The following C1QTNF5 variants were observed in gnomAD, a reference collection of about 807,000 sequenced individuals.
C1QTNF5 encodes C1q and TNF related 5, also known as complement C1q tumor necrosis factor-related protein 5.
In C1QTNF5, 5 loss-of-function variants were observed where a neutral mutation model predicts 10.9. The observed-to-expected ratio is 0.46, with a 90% CI of 0.24 to 0.97. The LOEUF is 0.97. Ranked by LOEUF, C1QTNF5 falls within the 50% of genes least tolerant of loss-of-function variation. The probability of loss-of-function intolerance (pLI) is 0.19; values close to 1 mark genes in which losing one functional copy is unlikely to be tolerated. For synonymous variants in C1QTNF5, 161 were observed against 156.5 expected (o/e 1.03, Z -0.22); for missense variants, 281 against 339.4 (o/e 0.83, Z 1.35).
chr11:119,341,983 C>G (rs1407160789), upstream of C1QTNF5: 1 of 1,613,600 alleles, frequency 6.2e-7, no homozygotes, highest in Non-Finnish European at 8.5e-7. Context: ...CACAGGCCAG[C>G]TCTGCAGGGG....
chr11:119,339,940 C>T lies in C1QTNF5; in HGVS notation c.215-92G>A. ...TAAGGTCACCGTACCCCTCCCCGCC[C>T]CTGCCTGAGCTTCGGCCAGCGCCTC... On this transcript the variant is annotated intron_variant, in intron 2 of 2. Coordinates refer to ENST00000528368, the MANE Select transcript of C1QTNF5 (RefSeq NM_001278431.2). The surrounding 1 kb of genome is among the most constrained non-coding windows in gnomAD (Gnocchi z 5.4). The T allele has an allele frequency of 7.2e-7, 1 of 1,393,218 alleles. No homozygotes were observed. The highest frequency in any genetic ancestry group is 9.3e-7 in the Non-Finnish European group (1 of 1,072,918). 86.3% of individuals were successfully genotyped at this position (1,393,218 alleles called of 1,614,324 possible). A position where few individuals can be genotyped will look rare whatever the true frequency, so the allele number is the denominator to read the frequency against.
chr11:119,346,003 T>A, the C1QTNF5 span: 1 of 1,612,930 alleles, frequency 6.2e-7, no homozygotes, highest in East Asian at 2.2e-5. Flanking sequence ...CTCATGGAGT[T>A]TCATTCCAAA....
At chr11:119,343,795 G>T (rs761916323), upstream of C1QTNF5, 26 of 1,613,580 alleles carry the variant, frequency 1.6e-5, no homozygotes, top group Middle Eastern at 1.6e-4. Flanking sequence ...GTTATCCATG[G>T]CTCTTCCCTG....
chr11:119,345,215 G>A (rs1168950313), upstream of C1QTNF5, among the ~76,000 whole-genome samples: 2 of 152,234 alleles, frequency 1.3e-5, no homozygotes, highest in Non-Finnish European at 2.9e-5. Context: ...ATAGGCAGGA[G>A]ATCCATGTTA....
At chr11:119,342,712 C>G (rs1360212514), upstream of C1QTNF5, 1 of 1,613,442 alleles carries the variant, frequency 6.2e-7, no homozygotes, top group East Asian at 2.2e-5. Context: ...GGAGAGCTCA[C>G]TGGGCCCACA....
At chr11:119,343,556 G>A (rs1473228617), upstream of C1QTNF5, among the ~76,000 whole-genome samples, 1 of 152,148 alleles carries the variant, frequency 6.6e-6, no homozygotes, top group African/African-American at 2.4e-5. Flanking sequence ...GGGTTTGTAG[G>A]GGAGGTGGAA....
upstream of C1QTNF5, chr11:119,344,084 G>T (rs1303950866): frequency 1.5e-6 from 2 of 1,367,326 alleles, no homozygotes; most frequent in African/African-American, 1.4e-5. Flanking sequence ...TTCATCATTG[G>T]TGGTTCTTAA....
rs1284244218 is a variant in C1QTNF5, at chr11:119,340,223, G to T, written c.175C>A (p.Pro59Thr). ...TCGCCTTTCTCTCCCGGAGCCCCGG[G>T]CGCGCCGTCGCGGCCGTCGCGGCCA... ...RDGRDGRDGA[P>T]GAPGEKGEGG... The change falls in exon 2 of 3, where the codon CCC becomes ACC. Residue 59 changes from proline to threonine, a missense_variant. Pro to Thr is a conservative substitution (Grantham distance 38). Coordinates refer to ENST00000528368, the MANE Select transcript of C1QTNF5 (RefSeq NM_001278431.2). 2.0e-6 allele frequency: 3 copies of T among 1,513,442 alleles called. No individual in the cohort carries two copies. The highest frequency in any genetic ancestry group is 2.6e-6 in the Non-Finnish European group (3 of 1,133,660). The allele number at this position is 1,513,442 out of a possible 1,614,324, so 93.8% of individuals were successfully genotyped here.
chr11:119,341,275 A>G, upstream of C1QTNF5: 1 of 512,790 alleles, frequency 2.0e-6, no homozygotes, highest in African/African-American at 1.9e-5. Flanking sequence ...GCAGATGGAA[A>G]GGGGAAGAGG....
chr11:119,339,529 G>A lies in C1QTNF5; in HGVS notation c.534C>T (p.Phe178=). Residue 178 remains phenylalanine, a synonymous_variant, in exon 3 of 3, where the codon TTC becomes TTT. Coordinates refer to ENST00000528368, the MANE Select transcript of C1QTNF5 (RefSeq NM_001278431.2). This position sits in a 1 kb window ranked among gnomAD's most constrained non-coding sequence, Gnocchi z 5.4. The part of the protein sequence containing the change: ...LVKNGESIAS[F]FQFFGGWPKP... ...TGGGCCACCCCCCGAAAAACTGGAA[G>A]AAAGAGGCAATGGATTCGCCATTCT... The A allele has an allele frequency of 6.2e-7, 1 of 1,613,668 alleles. No homozygotes were observed. The highest frequency in any genetic ancestry group is 2.2e-5 in the East Asian group (1 of 44,840).
upstream of C1QTNF5, chr11:119,343,701 T>C: frequency 7.5e-7 from 1 of 1,336,638 alleles, no homozygotes; most frequent in Non-Finnish European, 1.1e-6. Flanking sequence ...ACCCCCGGCC[T>C]GGAGTAGCAG....
upstream of C1QTNF5, chr11:119,345,623 G>A (rs375311255): frequency 1.2e-6 from 2 of 1,613,640 alleles, no homozygotes. Context: ...CAGAGAGGAG[G>A]CCTCCACAGG....
At chr11:119,344,871 C>T, upstream of C1QTNF5, 1 of 1,613,276 alleles carries the variant, frequency 6.2e-7, no homozygotes, top group Non-Finnish European at 8.5e-7. Context: ...GGAACACACT[C>T]ACCGCGCCCA....
upstream of C1QTNF5, chr11:119,341,983 C>T: frequency 6.2e-7 from 1 of 1,613,600 alleles, no homozygotes; most frequent in Non-Finnish European, 8.5e-7. Context: ...CACAGGCCAG[C>T]TCTGCAGGGG....
upstream of C1QTNF5, chr11:119,344,907 G>A (rs762968896): frequency 1.7e-5 from 28 of 1,612,426 alleles, no homozygotes; most frequent in Non-Finnish European, 5.1e-6. Context: ...TACCAGGCAT[G>A]GAAACCAAAT....
upstream of C1QTNF5, chr11:119,344,349 G>C (rs755974208): frequency 6.2e-7 from 1 of 1,613,914 alleles, no homozygotes; most frequent in Non-Finnish European, 8.5e-7. Context: ...GTAGCTGGGA[G>C]TAGAGAAAGT....
At chr11:119,346,526 T>C in the C1QTNF5 span, 1 of 1,613,900 alleles carries the variant, frequency 6.2e-7, no homozygotes, top group East Asian at 2.2e-5. Context: ...CACAAGGCTC[T>C]GCATGGCTTT....
At chr11:119,342,549 A>T (rs1950512553), upstream of C1QTNF5, 1 of 1,608,576 alleles carries the variant, frequency 6.2e-7, no homozygotes, top group Admixed American at 1.7e-5. Context: ...GGGTTCTGTG[A>T]GGTGGGCACC....
At chr11:119,346,415 C>A in the C1QTNF5 span, 1 of 1,609,460 alleles carries the variant, frequency 6.2e-7, no homozygotes. Context: ...GCAGCAGTGA[C>A]CACTGGTGCT....
Sources: gnomAD v4.1 joint callset for allele counts (sites outside exome capture counted in the v4.1 genomes callset) on GRCh38, gnomAD v4.1.1 for gene constraint, Gnocchi (gnomAD v3.1) non-coding constraint, MANE v1.5 for transcripts, NCBI Gene and HGNC (gene_info 2026-07-23, HGNC 2026-07-21) for gene names.